Variants in GPR158 observed in about 807,000 individuals in gnomAD.
GPR158 encodes the protein metabotropic glycine receptor.
In GPR158, 30 loss-of-function variants were observed where a neutral mutation model predicts 78.2. The ratio of observed to expected loss-of-function variants is 0.38; its 90% CI spans 0.29 to 0.52. GPR158 has a LOEUF of 0.52. Ranked by LOEUF, GPR158 falls within the 20% of genes least tolerant of loss-of-function variation. GPR158 has a pLI of 0.83. For missense variants in GPR158, 1,463 were observed against 1,523.5 expected (o/e 0.96, Z 0.66); for synonymous variants, 581 against 591.1 (o/e 0.98, Z 0.25).
intron 1 of GPR158, among the ~76,000 whole-genome samples, chr10:25,204,823 T>TTG (rs200427667): frequency 0.02 from 3,054 of 150,856 alleles, 36 homozygotes; most frequent in Middle Eastern, 0.038. Flanking sequence ...TGAGGGTTTT[T>TTG]TTTTTTTTTT....
At chr10:25,362,885 AT>A (rs1319186294) in intron 2 of GPR158, among the ~76,000 whole-genome samples, 5 of 151,770 alleles carry the variant, frequency 3.3e-5, no homozygotes, top group African/African-American at 4.8e-5. Flanking sequence ...CTTTTTATAT[AT>A]TTTTTAATAT....
At chr10:25,521,731 C>T (rs368811000) in intron 5 of GPR158, among the ~76,000 whole-genome samples, 2 of 152,196 alleles carry the variant, frequency 1.3e-5, no homozygotes, top group East Asian at 1.9e-4. Context: ...ATTTGTGTGT[C>T]ATCCTTGCAC....
At chr10:25,333,225 C>G (rs141046161) in intron 2 of GPR158, among the ~76,000 whole-genome samples, 6 of 152,186 alleles carry the variant, frequency 3.9e-5, no homozygotes, top group African/African-American at 9.6e-5. Context: ...GGCTTAGTAT[C>G]CAAAAGGAAT....
At chr10:25,453,400 T>G (rs1392686814) in intron 4 of GPR158, among the ~76,000 whole-genome samples, 1 of 152,202 alleles carries the variant, frequency 6.6e-6, no homozygotes, top group Non-Finnish European at 1.5e-5. Flanking sequence ...ATTTCTTGTC[T>G]TTTTGATAAT....
chr10:25,260,568 T>G (rs993463841), intron 2 of GPR158, among the ~76,000 whole-genome samples: 2 of 152,078 alleles, frequency 1.3e-5, no homozygotes, highest in African/African-American at 4.8e-5. Flanking sequence ...CTGACTTGTA[T>G]TATTCTTTTG....
Position 25,289,106 on chromosome 10 carries a change from T to C in GPR158, c.1008+67949T>C, listed in dbSNP as rs142765062. Among the ~76,000 whole-genome samples the C allele has an allele frequency of 1.4e-4, 21 of 152,302 alleles. No homozygotes were observed. The East Asian group carries it at 4.1e-3, about 30-fold the overall frequency. ...TGTTTTAATATCTTTTAGCCTTTGT[T>C]TTCTCACCTGTACTGCATGGTGTAT... On this transcript the variant is annotated intron_variant, in intron 2 of 10. Coordinates refer to ENST00000376351, the MANE Select transcript of GPR158 (RefSeq NM_020752.3).
chr10:25,355,314 TAATA>T (rs1382803720), intron 2 of GPR158, among the ~76,000 whole-genome samples: 1 of 152,112 alleles, frequency 6.6e-6, no homozygotes, highest in African/African-American at 2.4e-5. Flanking sequence ...TGAGAGCCTT[TAATA>T]AATTTTTCAG....
At chr10:25,366,602 A>G (rs184308762) in intron 2 of GPR158, among the ~76,000 whole-genome samples, 1,730 of 151,780 alleles carry the variant, frequency 0.011, 8 homozygotes, top group Non-Finnish European at 0.016. Flanking sequence ...GCAATTTTCA[A>G]ATATACAATA....
chr10:25,314,498 T>G (rs1215909489), intron 2 of GPR158, among the ~76,000 whole-genome samples: 1 of 152,160 alleles, frequency 6.6e-6, no homozygotes, highest in East Asian at 1.9e-4. Flanking sequence ...GCTTTCTCTT[T>G]CCCTCCTCTT....
At chr10:25,228,665 A>G (rs1040934167) in intron 2 of GPR158, among the ~76,000 whole-genome samples, 2 of 152,190 alleles carry the variant, frequency 1.3e-5, no homozygotes, top group Admixed American at 1.3e-4. Context: ...GAAGCAGCCA[A>G]TGTTTTTTTC....
At chr10:25,315,734 T>A (rs1854837992) in intron 2 of GPR158, among the ~76,000 whole-genome samples, 2 of 133,196 alleles carry the variant, frequency 1.5e-5, no homozygotes, top group South Asian at 4.8e-4. Flanking sequence ...CTTTAAAGTT[T>A]TAAAGTTAGG....
intron 1 of GPR158, among the ~76,000 whole-genome samples, chr10:25,177,022 C>T (rs960970858): frequency 3.9e-5 from 6 of 152,038 alleles, no homozygotes; most frequent in Admixed American, 2.6e-4. Context: ...TCCTCCTCTT[C>T]CCTGTCTTAG....
intron 2 of GPR158, among the ~76,000 whole-genome samples, chr10:25,371,513 A>T (rs1375889851): frequency 6.6e-6 from 1 of 150,938 alleles, no homozygotes; most frequent in African/African-American, 2.4e-5. Flanking sequence ...CAGAGATATA[A>T]ATCAATGGAA....
At chr10:25,483,556 A>G (rs1451976110) in intron 5 of GPR158, among the ~76,000 whole-genome samples, 1 of 151,896 alleles carries the variant, frequency 6.6e-6, no homozygotes, top group African/African-American at 2.4e-5. Context: ...TATTTCTTAC[A>G]CGTACTTATT....
chr10:25,574,866 CAG>C lies in GPR158; in HGVS notation c.1753+1982_1753+1983del, dbSNP rs373555089. ...TGCCACTGCACTCCAGCCTGGGAGA[CAG>C]AGTGAGACTTTGTCTCAAAGAAATA... On this transcript the variant is annotated intron_variant, in intron 7 of 10. Transcript: ENST00000376351. Among the ~76,000 whole-genome samples the C allele has an allele frequency of 1.4e-4, 21 of 152,124 alleles. No homozygotes were observed. The East Asian group carries it at 3.3e-3, about 24-fold the overall frequency.
In GPR158 at chr10:25,602,074, A is replaced by C. The variant is rs1234247993; in HGVS notation, c.*2800A>C. ...CAACCGAGAGTCGTAGAGTCAATAA[A>C]GCTGTAAGTGTCTTCACTTAATCTG... On this transcript the variant is annotated 3_prime_UTR_variant, in exon 11 of 11. Transcript: ENST00000376351. 3 of 152,484 alleles carry C rather than the reference A, an allele frequency of 2.0e-5. No homozygotes were observed. Among genetic ancestry groups the C allele is most frequent in the African/African-American group, 7.2e-5 (3 of 41,428 alleles). The allele number at this position is 152,484 out of a possible 1,614,324, so 9.4% of individuals were successfully genotyped here.
chr10:25,322,250 A>G (rs1854960576), intron 2 of GPR158, among the ~76,000 whole-genome samples: 1 of 152,116 alleles, frequency 6.6e-6, no homozygotes, highest in Non-Finnish European at 1.5e-5. Context: ...GCATAGTGGC[A>G]GGCACCTGTA....
At chr10:25,353,957 G>GT (rs1230723979) in intron 2 of GPR158, among the ~76,000 whole-genome samples, 1 of 151,988 alleles carries the variant, frequency 6.6e-6, no homozygotes, top group East Asian at 1.9e-4. Flanking sequence ...TTCTCAGGTA[G>GT]TATGTCTTCA....
At chr10:25,346,427 T>C (rs1473905382) in intron 2 of GPR158, among the ~76,000 whole-genome samples, 2 of 151,850 alleles carry the variant, frequency 1.3e-5, no homozygotes, top group Admixed American at 1.3e-4. Context: ...AAACAAACAT[T>C]TTTCTCTTAT....
Sources: allele counts gnomAD v4.1 joint callset (sites outside exome capture counted in the v4.1 genomes callset), GRCh38; gene constraint gnomAD v4.1.1; transcripts MANE v1.5; gene names NCBI Gene and HGNC (gene_info 2026-07-23, HGNC 2026-07-21).